The following MAP3K7CL variants were observed in gnomAD, a reference collection of about 807,000 sequenced individuals.
MAP3K7CL encodes MAP3K7 C-terminal like.
A neutral mutation model predicts 18.6 loss-of-function variants in MAP3K7CL; 16 were observed. The ratio of observed to expected loss-of-function variants is 0.86; its 90% CI spans 0.58 to 1.31. The LOEUF is 1.31. Among genes scored for constraint, MAP3K7CL ranks in the 50% most tolerant of loss-of-function variants. The pLI, the probability that MAP3K7CL is intolerant of heterozygous loss-of-function variation, is 0.00. For missense variants in MAP3K7CL, 163 were observed against 174.4 expected (o/e 0.93, Z 0.37); for synonymous variants, 65 against 66.8 (o/e 0.97, Z 0.13).
chr21:29,159,932 T>G lies in MAP3K7CL; in HGVS notation c.133-9T>G. On this transcript the variant is annotated splice_polypyrimidine_tract_variant and intron_variant, in intron 3 of 4. Coordinates refer to ENST00000399928, the MANE Select transcript of MAP3K7CL (RefSeq NM_001286620.2). ...GAAATGGACTAATTTCTTCTTGTTG[T>G]TTGTGAAGCCCCTGCCGCCTTGTCA... is the stretch of plus-strand genomic sequence containing the variant. 1 of 1,608,286 alleles carries G rather than the reference T, an allele frequency of 6.2e-7. No homozygotes were observed. Among genetic ancestry groups the G allele is most frequent in the Non-Finnish European group, 8.5e-7 (1 of 1,175,948 alleles).
intron 4 of MAP3K7CL, among the ~76,000 whole-genome samples, chr21:29,121,647 C>T (rs769629272): frequency 1.3e-5 from 2 of 151,988 alleles, no homozygotes; most frequent in African/African-American, 2.4e-5. Context: ...CTTTAATGAG[C>T]CAAGCAGTTC....
intron 4 of MAP3K7CL, among the ~76,000 whole-genome samples, chr21:29,166,499 C>T (rs1438203744): frequency 1.3e-5 from 2 of 152,184 alleles, no homozygotes; most frequent in Non-Finnish European, 2.9e-5. Context: ...GCAACCATCA[C>T]CAACTTCACA....
chr21:29,143,508 C>T (rs572599483), intron 2 of MAP3K7CL, among the ~76,000 whole-genome samples: 4 of 151,972 alleles, frequency 2.6e-5, no homozygotes, highest in Admixed American at 6.6e-5. Context: ...CTGCAACCTC[C>T]GCCTTCTGGG....
At chr21:29,108,118 A>G (rs1387615861) in intron 4 of MAP3K7CL, among the ~76,000 whole-genome samples, 1 of 152,204 alleles carries the variant, frequency 6.6e-6, no homozygotes, top group Non-Finnish European at 1.5e-5. Context: ...CCTAGAATTC[A>G]TATGTTGAAG....
upstream of MAP3K7CL, chr21:29,085,795 ACT>A: frequency 3.3e-6 from 5 of 1,524,482 alleles, no homozygotes; most frequent in Non-Finnish European, 4.6e-6. Context: ...CAGAATCATA[ACT>A]CTCTATATCC....
At chr21:29,155,144 G>A (rs2087369880) in intron 3 of MAP3K7CL, among the ~76,000 whole-genome samples, 1 of 151,970 alleles carries the variant, frequency 6.6e-6, no homozygotes, top group Admixed American at 6.6e-5. Flanking sequence ...CTTAAATATC[G>A]AAATCAGCAT....
Position 29,111,265 on chromosome 21 carries a change from AAAAAC to A in MAP3K7CL, c.370+18692_370+18696del, listed in dbSNP as rs539830654. Among the ~76,000 whole-genome samples, 30 of 131,762 alleles carry A rather than the reference AAAAAC, an allele frequency of 2.3e-4. No individual in the cohort carries two copies. The East Asian group carries it at 5.7e-3, about 25-fold the overall frequency. The allele number at this position is 131,762 out of a possible 152,430, so 86.4% of individuals were successfully genotyped here. ...AGCGAGACTCCTTCTCAAAAAAAGA[AAAAAC>A]AAAACAACAACAACAACAACAACAA... On this transcript the variant is annotated intron_variant, in intron 4 of 6. Transcript: ENST00000286791.
intron 4 of MAP3K7CL, chr21:29,102,437 C>T (rs1179214042): frequency 6.7e-6 from 1 of 149,276 alleles, no homozygotes; most frequent in Non-Finnish European, 1.5e-5. Flanking sequence ...CACATTTGGC[C>T]AAGATATCAA....
intron 4 of MAP3K7CL, among the ~76,000 whole-genome samples, chr21:29,172,091 TATA>T (rs1479300557): frequency 2.0e-5 from 3 of 152,028 alleles, no homozygotes; most frequent in Admixed American, 6.6e-5. Context: ...TTAACCATGG[TATA>T]ATAATTAAAA....
intron 1 of MAP3K7CL, 150 bp downstream of exon 1, chr21:29,131,073 G>A (rs2086771443): frequency 4.0e-6 from 1 of 247,168 alleles, no homozygotes; most frequent in African/African-American, 2.3e-5. Flanking sequence ...AGGGGCATTT[G>A]TGGTCAACAT....
Position 29,107,548 on chromosome 21 carries a change from G to A in MAP3K7CL, c.370+14967G>A, listed in dbSNP as rs183223184. 2.0e-4 allele frequency among the ~76,000 whole-genome samples: 30 copies of A among 152,234 alleles called. 1 individual carries two copies. The highest frequency in any genetic ancestry group is 1.8e-3 in the Admixed American group (27 of 15,288). On this transcript the variant is annotated intron_variant, in intron 4 of 6. Transcript: ENST00000286791. ...TAGGGTAGGCCTGTTCCCTGGTTCT[G>A]GGGAAGTCTAATGAGAGCCTCTGGG...
At chr21:29,084,446 A>G (rs2085889966), upstream of MAP3K7CL, among the ~76,000 whole-genome samples, 2 of 152,230 alleles carry the variant, frequency 1.3e-5, no homozygotes, top group African/African-American at 4.8e-5. Context: ...TTGGATTAGT[A>G]ACGATGCTTG....
Position 29,174,943 on chromosome 21 carries a change from G to A in MAP3K7CL, c.*51G>A, listed in dbSNP as rs1397742832. The A allele has an allele frequency of 1.3e-6, 2 of 1,530,272 alleles. No homozygotes were observed. The highest frequency in any genetic ancestry group is 1.8e-6 in the Non-Finnish European group (2 of 1,130,626). 94.8% of individuals were successfully genotyped at this position (1,530,272 alleles called of 1,614,324 possible). A position where few individuals can be genotyped will look rare whatever the true frequency, so the allele number is the denominator to read the frequency against. The stretch of plus-strand genomic sequence containing the variant: ...CGAGGCTGATGACTGCCCTGTGCTG[G>A]CCAAAAGATTTTTATTTTAAATGAA... On this transcript the variant is annotated 3_prime_UTR_variant, in exon 5 of 5. Transcript: ENST00000399928.
intron 4 of MAP3K7CL, among the ~76,000 whole-genome samples, chr21:29,166,798 A>G (rs66723060): frequency 0.22 from 33,246 of 152,074 alleles, 3,734 homozygotes; most frequent in East Asian, 0.28. Context: ...TTATCCTTTC[A>G]TAGGCTAATG....
intron 1 of MAP3K7CL, among the ~76,000 whole-genome samples, chr21:29,087,657 G>A (rs1239752007): frequency 1.4e-5 from 2 of 140,278 alleles, no homozygotes; most frequent in African/African-American, 2.7e-5. Flanking sequence ...GCAGCGGCGC[G>A]ATCTCCGCTC....
At position 29,105,492 on chromosome 21, in the gene MAP3K7CL, G is replaced by C. The variant is rs1018010190; in HGVS notation, c.370+12911G>C. On this transcript the variant is annotated intron_variant, in intron 4 of 6. Coordinates refer to the MAP3K7CL transcript ENST00000286791. ...CCTATAAAGGAATAATCCTAGTACT[G>C]TGTGATTAATGATCTAAAGGACATT... Among the ~76,000 whole-genome samples the C allele has an allele frequency of 2.6e-5, 4 of 152,186 alleles. No individual in the cohort carries two copies. The South Asian group carries it at 6.2e-4, about 24-fold the overall frequency.
At chr21:29,098,924 A>G (rs1449278901) in intron 4 of MAP3K7CL, among the ~76,000 whole-genome samples, 1 of 152,080 alleles carries the variant, frequency 6.6e-6, no homozygotes, top group Non-Finnish European at 1.5e-5. Context: ...GGTGAAGTTG[A>G]AGGTCTCTAT....
intron 2 of MAP3K7CL, among the ~76,000 whole-genome samples, chr21:29,146,455 T>C (rs2087130578): frequency 2.0e-5 from 3 of 152,236 alleles, no homozygotes; most frequent in Admixed American, 2.0e-4. Flanking sequence ...ACAAGTGTAT[T>C]ATTTTTGCCT....
At chr21:29,135,064 A>C (rs1466303269) in intron 2 of MAP3K7CL, among the ~76,000 whole-genome samples, 14 of 151,922 alleles carry the variant, frequency 9.2e-5, no homozygotes, top group Non-Finnish European at 1.6e-4. Context: ...AAAAAAACAA[A>C]AAAAACAAAA....
Sources: allele counts gnomAD v4.1 joint callset (sites outside exome capture counted in the v4.1 genomes callset), GRCh38; gene constraint gnomAD v4.1.1; transcripts MANE v1.5; gene names NCBI Gene and HGNC (gene_info 2026-07-23, HGNC 2026-07-21).